The following MAP3K20 variants were observed in gnomAD, a reference collection of about 807,000 sequenced individuals.
MAP3K20 encodes the protein mitogen-activated protein kinase kinase kinase 20.
A neutral mutation model predicts 85.7 loss-of-function variants in MAP3K20; 40 were observed. The ratio of observed to expected loss-of-function variants is 0.47; its 90% CI spans 0.36 to 0.61. MAP3K20 has a LOEUF of 0.61. MAP3K20 is among the 20% of genes least tolerant of loss of function. MAP3K20 has a pLI of 0.00. For missense variants in MAP3K20, 817 were observed against 961.7 expected, an observed-to-expected ratio of 0.85 and a Z score of 1.99; for synonymous variants, 325 against 327.7, an observed-to-expected ratio of 0.99 and a Z score of 0.09.
intron 11 of MAP3K20, chr2:173,227,253 C>A: frequency 1.8e-6 from 1 of 563,684 alleles, no homozygotes; most frequent in Non-Finnish European, 2.3e-6. Flanking sequence ...GTTAGCTTTT[C>A]TCTCCTAAAG....
At chr2:173,221,204 A>G in intron 11 of MAP3K20, 1 of 1,588,160 alleles carries the variant, frequency 6.3e-7, no homozygotes, top group Non-Finnish European at 8.6e-7. Context: ...TGAATCTAAA[A>G]CAGAGGAGTC....
chr2:173,076,056 C>T (rs1686844219), intron 1 of MAP3K20, 54 bp downstream of exon 1: 1 of 977,632 alleles, frequency 1.0e-6, no homozygotes, highest in Non-Finnish European at 1.2e-6. Flanking sequence ...GCGAGGCCCG[C>T]CGCGCTCGCG....
chr2:173,105,724 A>G (rs1687767238), intron 2 of MAP3K20, among the ~76,000 whole-genome samples: 2 of 152,190 alleles, frequency 1.3e-5, no homozygotes, highest in African/African-American at 4.8e-5. Flanking sequence ...TTCAGAGACA[A>G]AAAGTAGAAT....
At chr2:173,232,595 C>CA in intron 14 of MAP3K20, 136 bp downstream of exon 14, 1 of 1,335,498 alleles carries the variant, frequency 7.5e-7, no homozygotes, top group Non-Finnish European at 1.0e-6. Flanking sequence ...CCTCCGCCTC[C>CA]TGGGTTCAAG....
intron 2 of MAP3K20, among the ~76,000 whole-genome samples, chr2:173,094,086 A>G (rs1318346721): frequency 2.3e-4 from 33 of 144,404 alleles, no homozygotes; most frequent in East Asian, 8.1e-4. Context: ...ACGTGTATAC[A>G]TATGTAACTA....
Position 173,232,437 on chromosome 2 carries a change from AG to A in MAP3K20, c.1185del (p.His396IlefsTer12). The part of the protein sequence containing the change: ...EDLKDMGIVS[K>X]GHIIHFKSAI... Reference sequence around the variant, plus strand: ...CTGAAAGACATGGGCATTGTCTCCAAGGGGCATATCATTCACTTCAAGGTAC... The same window carrying A: ...CTGAAAGACATGGGCATTGTCTCCAAGGGCATATCATTCACTTCAAGGTAC... On this transcript the variant is annotated frameshift_variant, in exon 14 of 20. Transcript: ENST00000375213. LOFTEE classifies it high-confidence loss of function. The A allele has an allele frequency of 6.2e-7, 1 of 1,614,244 alleles. No individual in the cohort carries two copies. Among genetic ancestry groups the A allele is most frequent in the Non-Finnish European group, 8.5e-7 (1 of 1,180,048 alleles).
In MAP3K20 at chr2:173,258,928, G is replaced by A. The variant is rs1280442078; in HGVS notation, c.1476+113G>A. ...GCTTGTCCATGCTCACATCAGCTCA[G>A]CCTCGAGCTGGCTGTTGAAAGGCAC... On this transcript the variant is annotated intron_variant, in intron 17 of 19. Coordinates refer to ENST00000375213, the MANE Select transcript of MAP3K20 (RefSeq NM_016653.3). 4 of 585,634 alleles carry A rather than the reference G, an allele frequency of 6.8e-6. No individual in the cohort carries two copies. The African/African-American group carries it at 7.6e-5, about 11-fold the overall frequency. 36.3% of individuals were successfully genotyped at this position (585,634 alleles called of 1,614,324 possible). A position where few individuals can be genotyped will look rare whatever the true frequency, so the allele number is the denominator to read the frequency against.
chr2:173,131,746 G>A (rs1688624154), intron 2 of MAP3K20, among the ~76,000 whole-genome samples: 1 of 152,204 alleles, frequency 6.6e-6, no homozygotes, highest in Admixed American at 6.5e-5. Context: ...GTCTGCTCAG[G>A]TGCACTCAGT....
At position 173,156,287 on chromosome 2, in the gene MAP3K20, C is replaced by G. The variant is rs575181948; in HGVS notation, c.160-13518C>G. ...TTTAAAGCACTGTTATTTTGGATCT[C>G]TGTTTCTTTTAGTAGAACCCCATTT... On this transcript the variant is annotated intron_variant, in intron 2 of 19. Coordinates refer to ENST00000375213, the MANE Select transcript of MAP3K20 (RefSeq NM_016653.3). Among the ~76,000 whole-genome samples the G allele has an allele frequency of 2.0e-5, 3 of 152,316 alleles. No individual in the cohort carries two copies. In the East Asian group the frequency reaches 5.8e-4, roughly 29 times the overall value.
intron 19 of MAP3K20, among the ~76,000 whole-genome samples, chr2:173,264,172 A>G (rs1354640069): frequency 6.6e-6 from 1 of 152,214 alleles, no homozygotes; most frequent in Admixed American, 6.5e-5. Context: ...TGGGGATAGG[A>G]GCTGCAGTCT....
rs68173816 is a variant in MAP3K20, at chr2:173,242,699, C to CTTT, written c.1359+3226_1359+3228dup. Among the ~76,000 whole-genome samples, 345 of 80,740 alleles carry CTTT rather than the reference C, an allele frequency of 4.3e-3. 5 individuals are homozygous for CTTT. Among genetic ancestry groups the CTTT allele is most frequent in the Middle Eastern group, 0.011 (1 of 92 alleles). 53.0% of individuals were successfully genotyped at this position (80,740 alleles called of 152,430 possible). ...TGGTCACCCATCCAGAGTAATCTTTCTTTTTTTTTTTTTTTTTTTTTTTTT... is the reference window on the plus strand; with the variant it reads ...TGGTCACCCATCCAGAGTAATCTTTCTTTTTTTTTTTTTTTTTTTTTTTTTTTT... On this transcript the variant is annotated intron_variant, in intron 16 of 19. Transcript: ENST00000375213.
chr2:173,099,364 C>G (rs181113540), intron 2 of MAP3K20, among the ~76,000 whole-genome samples: 14 of 142,706 alleles, frequency 9.8e-5, no homozygotes, highest in African/African-American at 3.7e-4. Context: ...GGGTCTCCCT[C>G]TGTCCCCCAG....
intron 1 of MAP3K20, among the ~76,000 whole-genome samples, chr2:173,083,053 A>C (rs1428597281): frequency 6.6e-6 from 1 of 152,254 alleles, no homozygotes; most frequent in Non-Finnish European, 1.5e-5. Context: ...TTCAATAAGA[A>C]TGTTTAGCTT....
intron 1 of MAP3K20, among the ~76,000 whole-genome samples, chr2:173,079,859 A>G (rs1023633392): frequency 6.7e-6 from 1 of 149,128 alleles, no homozygotes; most frequent in Non-Finnish European, 1.5e-5. Flanking sequence ...TCTTCTGGAC[A>G]CCTCCTGAAG....
intron 17 of MAP3K20, 133 bp downstream of exon 17, chr2:173,258,948 A>G (rs1685225143): frequency 1.9e-6 from 1 of 515,368 alleles, no homozygotes; most frequent in African/African-American, 2.0e-5. Flanking sequence ...GGCTGTTGAA[A>G]GGCACATTTT....
chr2:173,210,709 C>T (rs924844061), intron 10 of MAP3K20: 6 of 151,632 alleles, frequency 4.0e-5, no homozygotes, highest in African/African-American at 1.4e-4. Context: ...TATTCCCCCC[C>T]TGACTCAGCG....
intron 2 of MAP3K20, among the ~76,000 whole-genome samples, chr2:173,111,564 G>A (rs1287634374): frequency 6.6e-6 from 1 of 152,118 alleles, no homozygotes; most frequent in Non-Finnish European, 1.5e-5. Flanking sequence ...CAGGTCTTAG[G>A]TTTAAGTCCT....
intron 11 of MAP3K20, chr2:173,223,151 A>C: frequency 2.0e-6 from 2 of 985,426 alleles, no homozygotes; most frequent in Non-Finnish European, 2.4e-6. Context: ...ATGCTGTGCC[A>C]GCTTCATTTG....
chr2:173,186,739 AATC>A (rs1188999809), intron 4 of MAP3K20, among the ~76,000 whole-genome samples: 40 of 152,152 alleles, frequency 2.6e-4, no homozygotes, highest in African/African-American at 8.7e-4. Context: ...TTTAGTAGAA[AATC>A]ATCCTTTTTT....
Sources: gnomAD v4.1 joint callset for allele counts (sites outside exome capture counted in the v4.1 genomes callset) on GRCh38, gnomAD v4.1.1 for gene constraint, MANE v1.5 for transcripts, NCBI Gene and HGNC (gene_info 2026-07-23, HGNC 2026-07-21) for gene names.